RSF1: variants seen among roughly 807,000 people sequenced by gnomAD.
RSF1 encodes the protein remodeling and spacing factor 1.
A neutral mutation model predicts 145.2 loss-of-function variants in RSF1; 13 were observed. That is an observed-to-expected ratio of 0.09 (90% CI 0.06 to 0.14). The LOEUF is 0.14. Among genes scored for constraint, RSF1 ranks in the 10% least tolerant of loss-of-function variants. The pLI, the probability that RSF1 is intolerant of heterozygous loss-of-function variation, is 1.00. For missense variants in RSF1, 1,517 were observed against 1,718.2 expected (o/e 0.88, Z 2.07); for synonymous variants, 577 against 592.6 (o/e 0.97, Z 0.38).
chr11:77,814,867 G>T (rs955603806), intron 1 of RSF1, among the ~76,000 whole-genome samples: 2 of 151,948 alleles, frequency 1.3e-5, no homozygotes, highest in Non-Finnish European at 2.9e-5. Context: ...ATTGTTTAGT[G>T]ACTTGGAAAC....
intron 1 of RSF1, among the ~76,000 whole-genome samples, chr11:77,792,428 C>T (rs1474495691): frequency 2.6e-5 from 4 of 152,108 alleles, no homozygotes; most frequent in African/African-American, 4.8e-5. Context: ...GCCCAAGAAT[C>T]GGCCTGTCTG....
intron 5 of RSF1, among the ~76,000 whole-genome samples, chr11:77,706,059 C>A (rs544459253): frequency 7.9e-5 from 12 of 151,672 alleles, no homozygotes; most frequent in African/African-American, 1.2e-4. Flanking sequence ...AAGGTCAACA[C>A]GGTGAAACCC....
intron 1 of RSF1, among the ~76,000 whole-genome samples, chr11:77,806,197 C>T (rs1439813227): frequency 6.6e-6 from 1 of 151,526 alleles, no homozygotes. Flanking sequence ...CATATAAATC[C>T]ATTCAGAGAA....
intron 1 of RSF1, among the ~76,000 whole-genome samples, chr11:77,806,220 C>G (rs1246250852): frequency 6.6e-6 from 1 of 150,698 alleles, no homozygotes; most frequent in African/African-American, 2.4e-5. Context: ...TGGGGTGGGG[C>G]TCTTAGAAAA....
chr11:77,798,609 A>T (rs1255702246), intron 1 of RSF1, among the ~76,000 whole-genome samples: 2 of 133,470 alleles, frequency 1.5e-5, no homozygotes, highest in African/African-American at 5.7e-5. Flanking sequence ...AAAAAAAAAA[A>T]AAAAAAAAAA....
At chr11:77,682,615 A>T (rs973523340) in intron 11 of RSF1, among the ~76,000 whole-genome samples, 1 of 152,224 alleles carries the variant, frequency 6.6e-6, no homozygotes, top group Admixed American at 6.5e-5. Context: ...TTCACTAGGT[A>T]CTTATGGAGC....
chr11:77,711,980 T>G (rs546294086), intron 5 of RSF1, among the ~76,000 whole-genome samples: 2 of 148,714 alleles, frequency 1.3e-5, no homozygotes, highest in Non-Finnish European at 3.0e-5. Flanking sequence ...AATTTGGGCT[T>G]GTTTGGTGTT....
At chr11:77,685,965 G>C (rs1565148033) in intron 9 of RSF1, among the ~76,000 whole-genome samples, 1 of 152,104 alleles carries the variant, frequency 6.6e-6, no homozygotes, top group Non-Finnish European at 1.5e-5. Flanking sequence ...CCTTGCTGTT[G>C]AAAGAGAAAA....
intron 9 of RSF1, among the ~76,000 whole-genome samples, chr11:77,687,848 A>G (rs1960050977): frequency 6.6e-6 from 1 of 152,220 alleles, no homozygotes; most frequent in African/African-American, 2.4e-5. Context: ...ATATTTCATA[A>G]TTGCAGTGGC....
intron 1 of RSF1, among the ~76,000 whole-genome samples, chr11:77,787,619 AAC>A (rs1199103000): frequency 4.6e-5 from 7 of 152,102 alleles, no homozygotes; most frequent in African/African-American, 1.7e-4. Context: ...AAAAAATAAA[AAC>A]TAGACTAAAC....
At chr11:77,820,197 G>A (rs886436519) in intron 1 of RSF1, among the ~76,000 whole-genome samples, 3 of 152,170 alleles carry the variant, frequency 2.0e-5, no homozygotes, top group African/African-American at 7.2e-5. Flanking sequence ...GGGAGACGGG[G>A]TGGGGGGCCG....
At chr11:77,787,833 TA>T (rs57568918) in intron 1 of RSF1, among the ~76,000 whole-genome samples, 335 of 129,234 alleles carry the variant, frequency 2.6e-3, no homozygotes, top group Middle Eastern at 3.8e-3. Context: ...TTCAGAACAG[TA>T]AAAAAAAAAA....
the RSF1 span, among the ~76,000 whole-genome samples, chr11:77,852,348 G>C: frequency 6.6e-6 from 1 of 151,222 alleles, no homozygotes; most frequent in African/African-American, 2.4e-5. Flanking sequence ...ATTTGTTTCT[G>C]TTGGCATACA....
chr11:77,702,308 A>C lies in RSF1; in HGVS notation c.921T>G (p.Ile307Met), dbSNP rs377629185. The C allele has an allele frequency of 1.2e-6, 2 of 1,609,414 alleles. No homozygotes were observed. The highest frequency in any genetic ancestry group is 2.7e-5 in the African/African-American group (2 of 74,384). The change falls in exon 6 of 16, where the codon ATT becomes ATG. Residue 307 changes from isoleucine to methionine, a missense_variant. By Grantham distance (10) the Ile-to-Met change is conservative. Around this residue, in one of 12 missense-constraint regions of RSF1, gnomAD observed 207 missense variants for 191.4 expected, o/e 1.08. Transcript: ENST00000308488. ...KPLPENEEKK[I>M]IKEESDSFKE... is the part of the protein sequence containing the mutation. ...TGAAGGAATCACTTTCTTCTTTGATAATCTTTTTTTCTTCATTTTCTGGCA... is the reference window on the plus strand; with the variant it reads ...TGAAGGAATCACTTTCTTCTTTGATCATCTTTTTTTCTTCATTTTCTGGCA...
chr11:77,723,001 C>A (rs1184712872), intron 5 of RSF1, among the ~76,000 whole-genome samples: 7 of 152,176 alleles, frequency 4.6e-5, no homozygotes, highest in Admixed American at 1.3e-4. Flanking sequence ...GTTTCCAATT[C>A]ACATTTTCTC....
At chr11:77,711,091 G>A (rs1165851742) in intron 5 of RSF1, among the ~76,000 whole-genome samples, 1 of 148,896 alleles carries the variant, frequency 6.7e-6, no homozygotes, top group Non-Finnish European at 1.5e-5. Flanking sequence ...AGTAAACAGG[G>A]TTAGGAAACA....
intron 8 of RSF1, among the ~76,000 whole-genome samples, chr11:77,692,140 C>T (rs1029338188): frequency 6.6e-6 from 1 of 151,942 alleles, no homozygotes; most frequent in Non-Finnish European, 1.5e-5. Context: ...ATCTGCCTGC[C>T]TTGGCCTCCC....
chr11:77,842,612 G>A, the RSF1 span: 4 of 1,613,928 alleles, frequency 2.5e-6, no homozygotes, highest in Non-Finnish European at 3.4e-6. Flanking sequence ...TGGGATTGGA[G>A]AGAAACAGGA....
intron 9 of RSF1, 196 bp downstream of exon 9, chr11:77,690,963 G>C (rs958523886): frequency 2.6e-5 from 14 of 535,602 alleles, no homozygotes; most frequent in Non-Finnish European, 3.9e-5. Flanking sequence ...TATGATTCTA[G>C]TTTTTCCCCC....
Sources: allele counts gnomAD v4.1 joint callset (sites outside exome capture counted in the v4.1 genomes callset), GRCh38; gene constraint gnomAD v4.1.1; regional missense constraint gnomAD v4.1.1; transcripts MANE v1.5; gene names NCBI Gene and HGNC (gene_info 2026-07-23, HGNC 2026-07-21).